WWTR1: variants seen among roughly 807,000 people sequenced by gnomAD.
WWTR1 encodes WW domain containing transcription regulator 1, also known as WW domain-containing transcription regulator protein 1.
Under a neutral mutation model 40.1 loss-of-function variants are expected in WWTR1, and 13 were observed. The observed-to-expected ratio is 0.32, with a 90% CI of 0.21 to 0.52. The LOEUF (loss-of-function observed/expected upper bound fraction) is 0.52, where lower values mean the gene tolerates loss of function less well. Ranked by LOEUF, WWTR1 falls within the 20% of genes least tolerant of loss-of-function variation. The pLI is 0.97. For missense variants in WWTR1, 436 were observed against 523.1 expected (o/e 0.83, Z 1.63); for synonymous variants, 230 against 210.1 (o/e 1.09, Z -0.82).
chr3:149,678,665 A>G (rs1207420967), intron 1 of WWTR1, among the ~76,000 whole-genome samples: 2 of 152,096 alleles, frequency 1.3e-5, no homozygotes, highest in African/African-American at 4.8e-5. Flanking sequence ...GTGACACACA[A>G]GTTTGGAATT....
intron 2 of WWTR1, among the ~76,000 whole-genome samples, chr3:149,582,106 G>A (rs1188261096): frequency 6.6e-6 from 1 of 152,132 alleles, no homozygotes; most frequent in Non-Finnish European, 1.5e-5. Flanking sequence ...AGCCCCAGGT[G>A]TGACTCAGGA....
At chr3:149,652,780 CAG>C (rs1712967885) in intron 2 of WWTR1, among the ~76,000 whole-genome samples, 1 of 150,638 alleles carries the variant, frequency 6.6e-6, no homozygotes, top group South Asian at 2.1e-4. Context: ...ACTTTCATAT[CAG>C]GTGCTAAAAG....
intron 6 of WWTR1, among the ~76,000 whole-genome samples, chr3:149,522,969 G>C (rs1735127800): frequency 6.6e-6 from 1 of 151,822 alleles, no homozygotes; most frequent in African/African-American, 2.4e-5. Flanking sequence ...AGGAGGCTGA[G>C]GCCCGAGACT....
upstream of WWTR1, among the ~76,000 whole-genome samples, chr3:149,660,942 A>C (rs1029208057): frequency 4.6e-5 from 7 of 152,228 alleles, no homozygotes; most frequent in African/African-American, 1.4e-4. Flanking sequence ...TCAATGGCCC[A>C]GCCTCATGTT....
In WWTR1 at chr3:149,520,595, G is replaced by T; in HGVS notation, c.*210C>A. ...TCTGTCACAAGAACGCAGGCTTGCA[G>T]AAAATGAAAATAGAATATTTATTTA... On this transcript the variant is annotated 3_prime_UTR_variant, in exon 7 of 7. Transcript: ENST00000360632. 2.4e-6 allele frequency: 1 copy of T among 423,492 alleles called. No individual in the cohort carries two copies. Among genetic ancestry groups the T allele is most frequent in the Non-Finnish European group, 4.1e-6 (1 of 245,568 alleles). 26.2% of individuals were successfully genotyped at this position (423,492 alleles called of 1,614,324 possible).
At chr3:149,544,830 G>A (rs1027052794) in intron 3 of WWTR1, among the ~76,000 whole-genome samples, 2 of 152,188 alleles carry the variant, frequency 1.3e-5, no homozygotes, top group South Asian at 2.1e-4. Flanking sequence ...TGTTGCTTGC[G>A]TTACTAAGAG....
chr3:149,692,616 A>G (rs552733429), intron 1 of WWTR1, among the ~76,000 whole-genome samples: 7 of 141,788 alleles, frequency 4.9e-5, no homozygotes, highest in African/African-American at 1.3e-4. Context: ...CACTTTCACC[A>G]CTGTTTGTTT....
At chr3:149,631,671 G>A (rs1421214649) in intron 2 of WWTR1, among the ~76,000 whole-genome samples, 2 of 152,120 alleles carry the variant, frequency 1.3e-5, no homozygotes, top group Non-Finnish European at 2.9e-5. Flanking sequence ...TTCTCAGAGA[G>A]GGAAAAACAT....
chr3:149,702,468 T>A (rs1353935023), intron 1 of WWTR1: 1 of 148,026 alleles, frequency 6.8e-6, no homozygotes, highest in Non-Finnish European at 1.5e-5. Flanking sequence ...CTAAGCCTTA[T>A]TATTATTATT....
At chr3:149,632,782 G>T (rs576342664) in intron 2 of WWTR1, among the ~76,000 whole-genome samples, 21 of 152,192 alleles carry the variant, frequency 1.4e-4, no homozygotes, top group African/African-American at 5.1e-4. Context: ...ATTATGCCAA[G>T]TGCAATAAGC....
chr3:149,620,537 T>C (rs1266634562), intron 2 of WWTR1, among the ~76,000 whole-genome samples: 2 of 119,036 alleles, frequency 1.7e-5, no homozygotes, highest in African/African-American at 3.4e-5. Flanking sequence ...GGATCTCATA[T>C]GTTCTTCTGC....
intron 6 of WWTR1, among the ~76,000 whole-genome samples, chr3:149,522,526 C>A (rs776680782): frequency 6.6e-6 from 1 of 151,880 alleles, no homozygotes; most frequent in Admixed American, 6.6e-5. Context: ...TAACGTTAAA[C>A]GAAAAAACAA....
chr3:149,665,219 C>CT (rs1576631699), intron 2 of WWTR1, among the ~76,000 whole-genome samples: 1 of 109,188 alleles, frequency 9.2e-6, no homozygotes. Context: ...TAGAAATTTC[C>CT]TTTCTTTCTT....
chr3:149,701,658 AGGCAGTTATGGCTG>A (rs1465108049), intron 1 of WWTR1: 1 of 176,048 alleles, frequency 5.7e-6, no homozygotes, highest in African/African-American at 2.4e-5. Context: ...CGATTAAGGA[AGGCAGTTATGGCTG>A]GGTGGTTCAT....
At chr3:149,687,248 A>G (rs1242146700) in intron 1 of WWTR1, among the ~76,000 whole-genome samples, 1 of 152,188 alleles carries the variant, frequency 6.6e-6, no homozygotes, top group Non-Finnish European at 1.5e-5. Flanking sequence ...TATCTGTAAG[A>G]TAGCTGCATC....
At chr3:149,574,598 A>G (rs1463078384) in intron 2 of WWTR1, among the ~76,000 whole-genome samples, 1 of 152,220 alleles carries the variant, frequency 6.6e-6, no homozygotes, top group African/African-American at 2.4e-5. Flanking sequence ...TAATCAGTCT[A>G]GAAACTTCCT....
intron 2 of WWTR1, among the ~76,000 whole-genome samples, chr3:149,663,300 G>A (rs948325969): frequency 6.6e-6 from 1 of 151,384 alleles, no homozygotes; most frequent in Non-Finnish European, 1.5e-5. Flanking sequence ...TTACAGATGT[G>A]AGCCACCAGG....
intron 2 of WWTR1, among the ~76,000 whole-genome samples, chr3:149,609,437 G>A (rs1739635837): frequency 6.6e-6 from 1 of 152,158 alleles, no homozygotes; most frequent in Non-Finnish European, 1.5e-5. Flanking sequence ...TTGTACAACA[G>A]GGAATCTAAG....
chr3:149,624,986 C>T (rs1476504166), intron 2 of WWTR1, among the ~76,000 whole-genome samples: 1 of 151,962 alleles, frequency 6.6e-6, no homozygotes, highest in Non-Finnish European at 1.5e-5. Flanking sequence ...ACACCTCAGC[C>T]TCCCAAAGCG....
Sources: gnomAD v4.1 joint callset for allele counts (sites outside exome capture counted in the v4.1 genomes callset) on GRCh38, gnomAD v4.1.1 for gene constraint, MANE v1.5 for transcripts, NCBI Gene and HGNC (gene_info 2026-07-23, HGNC 2026-07-21) for gene names.